The following DTNA variants were observed in gnomAD, a reference collection of about 807,000 sequenced individuals.
DTNA encodes the protein dystrophin-related protein 3.
In DTNA, 43 loss-of-function variants were observed where a neutral mutation model predicts 100.7. That is an observed-to-expected ratio of 0.43 (90% confidence interval 0.33 to 0.55). DTNA has a LOEUF of 0.55. DTNA is among the 20% of genes least tolerant of loss of function. DTNA has a pLI of 0.04. For synonymous variants in DTNA, 349 were observed against 347.9 expected (o/e 1.00, Z -0.04); for missense variants, 798 against 953.9 (o/e 0.84, Z 2.15).
chr18:34,625,656 T>C (rs147357841), intron 1 of DTNA, among the ~76,000 whole-genome samples: 67 of 152,256 alleles, frequency 4.4e-4, no homozygotes, highest in Non-Finnish European at 7.2e-4. Context: ...AAATACACAA[T>C]TGTATGCAAA....
chr18:34,890,005 GC>G lies in DTNA; in HGVS notation c.*2272del. 2 of 1,220,116 alleles carry G rather than the reference GC, an allele frequency of 1.6e-6. No homozygotes were observed. The highest frequency in any genetic ancestry group is 2.4e-5 in the South Asian group (1 of 41,166). 75.6% of individuals were successfully genotyped at this position (1,220,116 alleles called of 1,614,324 possible). On this transcript the variant is annotated 3_prime_UTR_variant, in exon 23 of 23. Coordinates refer to ENST00000444659, the MANE Select transcript of DTNA (RefSeq NM_001386795.1). ...ATCCCAGCTACCTATAATGCTGTCA[GC>G]TCAAAATCATAGCCAGGTAGTTCTT...
chr18:34,564,355 G>C (rs965286456), intron 1 of DTNA, among the ~76,000 whole-genome samples: 3 of 152,084 alleles, frequency 2.0e-5, no homozygotes, highest in African/African-American at 7.2e-5. Flanking sequence ...TCTTGGCCAG[G>C]CTGGTCTCGA....
In DTNA at chr18:34,559,938, A is replaced by G. The variant is rs16959982; in HGVS notation, c.-2+66424A>G. Among the ~76,000 whole-genome samples, 532 of 152,326 alleles carry G rather than the reference A, an allele frequency of 3.5e-3. 4 individuals carry two copies. The highest frequency in any genetic ancestry group is 0.012 in the African/African-American group (501 of 41,574). ...TATTACTTCCTGTTTTAGAATTATT[A>G]TGATTGTAAACTAGGTTGTGCTGAC... is the stretch of plus-strand genomic sequence containing the variant. On this transcript the variant is annotated intron_variant, in intron 1 of 19. Coordinates refer to the DTNA transcript ENST00000283365.
At chr18:34,851,758 C>T in intron 14 of DTNA, 73 bp from the exon 15 acceptor site, 2 of 1,471,380 alleles carry the variant, frequency 1.4e-6, no homozygotes, top group Middle Eastern at 1.7e-4. Context: ...CTGCATATCT[C>T]ATGACTCCTG....
chr18:34,694,846 G>A (rs72953227), intron 1 of DTNA, among the ~76,000 whole-genome samples: 13,562 of 152,062 alleles, frequency 0.089, 630 homozygotes, highest in South Asian at 0.1. Flanking sequence ...TATAGATAAG[G>A]TTACATTCTT....
chr18:34,618,440 G>A (rs1174902214), intron 1 of DTNA, among the ~76,000 whole-genome samples: 1 of 152,110 alleles, frequency 6.6e-6, no homozygotes, highest in African/African-American at 2.4e-5. Context: ...GTATCAGATA[G>A]TTCTCTATAC....
At chr18:34,692,430 C>G (rs2079907495) in intron 1 of DTNA, among the ~76,000 whole-genome samples, 1 of 152,128 alleles carries the variant, frequency 6.6e-6, no homozygotes, top group Non-Finnish European at 1.5e-5. Context: ...GCTAACTTGC[C>G]AATGTTGTAT....
intron 13 of DTNA, among the ~76,000 whole-genome samples, chr18:34,846,289 G>A (rs2096376443): frequency 6.6e-6 from 1 of 151,986 alleles, no homozygotes; most frequent in Non-Finnish European, 1.5e-5. Context: ...ATTGTCAGAT[G>A]GTAGATGATA....
At chr18:34,881,729 T>A (rs1013790008) in intron 20 of DTNA, among the ~76,000 whole-genome samples, 1 of 152,186 alleles carries the variant, frequency 6.6e-6, no homozygotes, top group Non-Finnish European at 1.5e-5. Flanking sequence ...AGCCCTCAGA[T>A]TGGGAAAACT....
chr18:34,829,521 A>T, intron 11 of DTNA, 32 bp downstream of exon 11: 1 of 1,490,886 alleles, frequency 6.7e-7, no homozygotes, highest in Non-Finnish European at 8.9e-7. Flanking sequence ...TGCTAATCGT[A>T]GTAGTAGTTC....
At chr18:34,872,443 C>T (rs2096774510) in intron 17 of DTNA, among the ~76,000 whole-genome samples, 1 of 152,174 alleles carries the variant, frequency 6.6e-6, no homozygotes, top group Non-Finnish European at 1.5e-5. Flanking sequence ...CCCCATATCT[C>T]AAATCACTAG....
chr18:34,656,665 A>G (rs2074416793), intron 1 of DTNA, among the ~76,000 whole-genome samples: 1 of 152,210 alleles, frequency 6.6e-6, no homozygotes, highest in African/African-American at 2.4e-5. Flanking sequence ...AGTTTTATTA[A>G]CAACACATAA....
chr18:34,838,332 A>G (rs2096198521), intron 12 of DTNA, among the ~76,000 whole-genome samples, 161 bp downstream of exon 12: 2 of 152,228 alleles, frequency 1.3e-5, no homozygotes, highest in East Asian at 3.8e-4. Flanking sequence ...TTTCCAGTAG[A>G]CACATCTGTG....
intron 1 of DTNA, among the ~76,000 whole-genome samples, chr18:34,496,205 AACACACACACACACACAC>A (rs367764683): frequency 2.2e-5 from 3 of 138,594 alleles, no homozygotes; most frequent in East Asian, 4.5e-4. Context: ...CCCTCCCTGC[AACACACACACACACACAC>A]ACACACACAC....
At chr18:34,662,625 G>A (rs1304361818) in intron 1 of DTNA, among the ~76,000 whole-genome samples, 4 of 152,144 alleles carry the variant, frequency 2.6e-5, no homozygotes, top group Admixed American at 2.6e-4. Context: ...TTGGATTTAG[G>A]TAGGATAAAT....
chr18:34,738,591 C>T (rs1341443450), intron 1 of DTNA, among the ~76,000 whole-genome samples: 2 of 152,202 alleles, frequency 1.3e-5, no homozygotes, highest in Admixed American at 6.5e-5. Context: ...CCTTTCTCTT[C>T]ACCCTGTTCC....
chr18:34,737,162 A>C (rs980787232), intron 1 of DTNA, among the ~76,000 whole-genome samples: 14 of 152,212 alleles, frequency 9.2e-5, no homozygotes, highest in Middle Eastern at 3.2e-3. Context: ...AGAACGGTAT[A>C]TTTTATACAT....
At chr18:34,628,950 C>T (rs555657367) in intron 1 of DTNA, among the ~76,000 whole-genome samples, 9 of 152,058 alleles carry the variant, frequency 5.9e-5, no homozygotes, top group Non-Finnish European at 8.8e-5. Flanking sequence ...CACAAAGCGC[C>T]TCCTCCCCAT....
chr18:34,508,371 C>T (rs965544369), intron 1 of DTNA, among the ~76,000 whole-genome samples: 2 of 151,952 alleles, frequency 1.3e-5, no homozygotes, highest in Non-Finnish European at 2.9e-5. Context: ...ATCAGCTCTA[C>T]CATGGGGGAT....
Sources: gnomAD v4.1 joint callset for allele counts (sites outside exome capture counted in the v4.1 genomes callset) on GRCh38, gnomAD v4.1.1 for gene constraint, MANE v1.5 for transcripts, NCBI Gene and HGNC (gene_info 2026-07-23, HGNC 2026-07-21) for gene names.